RAPGEF2: variants seen among roughly 807,000 people sequenced by gnomAD.
The protein encoded by RAPGEF2 is Rap guanine nucleotide exchange factor 2, also known as PDZ domain containing guanine nucleotide exchange factor (GEF) 1.
Under a neutral mutation model 186.7 loss-of-function variants are expected in RAPGEF2, and 54 were observed. The ratio of observed to expected loss-of-function variants is 0.29; its 90% CI spans 0.23 to 0.36. RAPGEF2 has a LOEUF of 0.36. Ranked by LOEUF, RAPGEF2 falls within the 10% of genes least tolerant of loss-of-function variation. The probability of loss-of-function intolerance (pLI) is 1.00; values close to 1 mark genes in which losing one functional copy is unlikely to be tolerated. For missense variants in RAPGEF2, 1,532 were observed against 2,045.0 expected (o/e 0.75, Z 4.84); for synonymous variants, 712 against 705.9 (o/e 1.01, Z -0.14).
At chr4:159,124,248 CT>C (rs1740038181) in intron 1 of RAPGEF2, among the ~76,000 whole-genome samples, 2 of 151,862 alleles carry the variant, frequency 1.3e-5, no homozygotes, top group Admixed American at 6.6e-5. Context: ...GGCACAATAT[CT>C]AGTAAGTCGG....
chr4:159,206,726 G>C (rs1189967756), intron 3 of RAPGEF2, among the ~76,000 whole-genome samples: 1 of 152,192 alleles, frequency 6.6e-6, no homozygotes, highest in Non-Finnish European at 1.5e-5. Context: ...TTAGTTCAGT[G>C]CTTTCTAATA....
intron 1 of RAPGEF2, among the ~76,000 whole-genome samples, chr4:159,160,558 A>G (rs1744601003): frequency 6.6e-6 from 1 of 152,256 alleles, no homozygotes; most frequent in South Asian, 2.1e-4. Context: ...TTCAGTAGCA[A>G]TTTGAAGAAA....
chr4:159,289,961 A>G (rs1760979562), intron 7 of RAPGEF2, among the ~76,000 whole-genome samples: 1 of 152,156 alleles, frequency 6.6e-6, no homozygotes, highest in Non-Finnish European at 1.5e-5. Flanking sequence ...CAAAAGGAGA[A>G]GACAGTGGGG....
Position 159,183,721 on chromosome 4 carries a change from A to G in RAPGEF2, c.70-2921A>G, listed in dbSNP as rs189555831. 2.2e-3 allele frequency among the ~76,000 whole-genome samples: 330 copies of G among 152,322 alleles called. 2 individuals are homozygous for G. The highest frequency in any genetic ancestry group is 7.4e-3 in the African/African-American group (306 of 41,568). ...ACAATTTAATGATAAAAAGACAGATAAACCAATTAAAATATGAACAAAGAA... is the reference window on the plus strand; with the variant it reads ...ACAATTTAATGATAAAAAGACAGATGAACCAATTAAAATATGAACAAAGAA... On this transcript the variant is annotated intron_variant, in intron 1 of 29. Coordinates refer to ENST00000691494, the MANE Select transcript of RAPGEF2 (RefSeq NM_001394067.2).
rs998129671 is a variant in RAPGEF2 at position 159,331,341 on chromosome 4, T to C, written c.1468-90T>C. On this transcript the variant is annotated intron_variant, in intron 13 of 29. Transcript: ENST00000691494. Reference sequence around the variant, plus strand: ...TCCTGTTTATTATTATTAGGTAAATTATTTGAAAGTTGGATATCTTTTCTG... The same window carrying C: ...TCCTGTTTATTATTATTAGGTAAATCATTTGAAAGTTGGATATCTTTTCTG... 4.3e-6 allele frequency: 3 copies of C among 700,250 alleles called. No individual in the cohort carries two copies. The African/African-American group carries it at 5.4e-5, about 13-fold the overall frequency. The allele number at this position is 700,250 out of a possible 1,614,324, so 43.4% of individuals were successfully genotyped here.
rs147074862 is a variant in RAPGEF2 at position 159,220,732 on chromosome 4, C to T, written c.281+10149C>T. On this transcript the variant is annotated intron_variant, in intron 4 of 29. Coordinates refer to ENST00000691494, the MANE Select transcript of RAPGEF2 (RefSeq NM_001394067.2). The stretch of plus-strand genomic sequence containing the variant: ...AGGATTAATCATTCCATATCCATAC[C>T]AAGCTGTGAGATTTTCAAAGGTGTG... Among the ~76,000 whole-genome samples, 517 of 152,236 alleles carry T rather than the reference C, an allele frequency of 3.4e-3. 3 individuals are homozygous for T. The highest frequency in any genetic ancestry group is 5.2e-3 in the Admixed American group (79 of 15,290).
At chr4:159,157,912 G>A (rs952825476) in intron 1 of RAPGEF2, among the ~76,000 whole-genome samples, 25 of 152,124 alleles carry the variant, frequency 1.6e-4, no homozygotes, top group African/African-American at 5.8e-4. Context: ...TGAAGGTTGA[G>A]GTAGGGAAGC....
intron 1 of RAPGEF2, among the ~76,000 whole-genome samples, chr4:159,105,484 G>A (rs967069994): frequency 2.0e-5 from 3 of 152,142 alleles, no homozygotes; most frequent in South Asian, 2.1e-4. Flanking sequence ...TTCCTTGATG[G>A]AGCTGTCACA....
intron 16 of RAPGEF2, 64 bp downstream of exon 16, chr4:159,332,098 C>A: frequency 9.9e-7 from 1 of 1,009,580 alleles, no homozygotes; most frequent in Admixed American, 2.5e-5. Flanking sequence ...TTTCAAACAT[C>A]ATAAGAAAGC....
At chr4:159,162,883 G>A (rs1744865737) in intron 1 of RAPGEF2, among the ~76,000 whole-genome samples, 2 of 150,928 alleles carry the variant, frequency 1.3e-5, no homozygotes, top group African/African-American at 5.0e-5. Context: ...ATTGTTCCTT[G>A]TAATTTTTTT....
rs558863799 is a variant in RAPGEF2, at chr4:159,311,536, G to A, written c.676-3055G>A. ...GCTTTCTCCCTTATTTGATCCAAAA[G>A]CAGTCCTATGAATAGTAAGAAGTTG... is the stretch of plus-strand genomic sequence containing the variant. On this transcript the variant is annotated intron_variant, in intron 8 of 29. Coordinates refer to ENST00000691494, the MANE Select transcript of RAPGEF2 (RefSeq NM_001394067.2). Among the ~76,000 whole-genome samples the A allele has an allele frequency of 2.0e-5, 3 of 152,326 alleles. No homozygotes were observed. In the South Asian group the frequency reaches 6.2e-4, roughly 32 times the overall value.
intron 1 of RAPGEF2, among the ~76,000 whole-genome samples, chr4:159,154,381 A>G (rs1307753514): frequency 1.5e-4 from 23 of 152,134 alleles, no homozygotes; most frequent in Admixed American, 1.5e-3. Flanking sequence ...TTGTGTTTAC[A>G]TCTATTGAAA....
intron 1 of RAPGEF2, among the ~76,000 whole-genome samples, chr4:159,154,517 T>TC (rs1743908634): frequency 7.1e-6 from 1 of 141,030 alleles, no homozygotes; most frequent in Non-Finnish European, 1.5e-5. Flanking sequence ...TTTTTTTTTT[T>TC]TTAAAAAAAA....
intron 6 of RAPGEF2, among the ~76,000 whole-genome samples, chr4:159,241,606 C>G (rs1754015444): frequency 6.7e-6 from 1 of 150,110 alleles, no homozygotes; most frequent in Non-Finnish European, 1.5e-5. Flanking sequence ...TTCTGGGAAA[C>G]ATGATATGAT....
chr4:159,267,260 C>T (rs1440179408), intron 7 of RAPGEF2: 2 of 1,289,318 alleles, frequency 1.6e-6, no homozygotes, highest in East Asian at 5.5e-5. Context: ...CAGGAAATGG[C>T]TTTCCTTGTG....
At chr4:159,198,577 C>G (rs1363869702) in intron 3 of RAPGEF2, among the ~76,000 whole-genome samples, 1 of 151,830 alleles carries the variant, frequency 6.6e-6, no homozygotes, top group Non-Finnish European at 1.5e-5. Flanking sequence ...TCCCAAGTAG[C>G]TGGGATTACA....
Position 159,104,206 on chromosome 4 carries a change from A to T in RAPGEF2, c.44A>T (p.Lys15Met). ...AACAGCTTCCGCCAGGCGGTGATGA[A>T]GAATCCCCCCGAAAGGACCCCCCAG... ...VDNSFRQAVM[K>M]NPPERTPQDL... Residue 15 changes from lysine to methionine, a missense_variant, in exon 1 of 30, where the codon AAG becomes ATG. Physicochemically the swap from Lys to Met is moderately conservative, Grantham distance 95. Transcript: ENST00000691494. 6.9e-7 allele frequency: 1 copy of T among 1,446,416 alleles called. No individual in the cohort carries two copies. The highest frequency in any genetic ancestry group is 1.2e-5 in the South Asian group (1 of 82,310). 89.6% of individuals were successfully genotyped at this position (1,446,416 alleles called of 1,614,324 possible).
rs34827512 is a variant in RAPGEF2 at position 159,195,875 on chromosome 4, GTTTTTTTTTTT to G, written c.197+2638_197+2648del. ...GATTACAGTGTCTTCAAACATACCT[GTTTTTTTTTTT>G]TTTTTTTTTTTTTTTTTTCCCCAAG... On this transcript the variant is annotated intron_variant, in intron 3 of 29. Transcript: ENST00000691494. Among the ~76,000 whole-genome samples the G allele has an allele frequency of 5.7e-3, 540 of 94,238 alleles. 4 individuals carry two copies. The highest frequency in any genetic ancestry group is 0.015 in the Middle Eastern group (2 of 136). The allele number at this position is 94,238 out of a possible 152,430, so 61.8% of individuals were successfully genotyped here. A position where few individuals can be genotyped will look rare whatever the true frequency, so the allele number is the denominator to read the frequency against.
At chr4:159,120,576 T>TAATGTTTTGTAGTGGG (rs1168990892) in intron 1 of RAPGEF2, among the ~76,000 whole-genome samples, 1 of 152,202 alleles carries the variant, frequency 6.6e-6, no homozygotes, top group Non-Finnish European at 1.5e-5. Context: ...AAACTGCTCT[T>TAATGTTTTGTAGTGGG]AATGTTTTGT....
Sources: allele counts gnomAD v4.1 joint callset (sites outside exome capture counted in the v4.1 genomes callset), GRCh38; gene constraint gnomAD v4.1.1; transcripts MANE v1.5; gene names NCBI Gene and HGNC (gene_info 2026-07-23, HGNC 2026-07-21).